The following NBPF9 variants were observed in gnomAD, a reference collection of about 807,000 sequenced individuals.
NBPF9 encodes NBPF member 9, also known as NBPF family member NBPF9.
NBPF9 carries 91 observed loss-of-function variants against 97.8 expected under a neutral mutation model. The ratio of observed to expected loss-of-function variants is 0.93; its 90% CI spans 0.79 to 1.11. NBPF9 has a LOEUF of 1.11. NBPF9 is among the 50% of genes least tolerant of loss of function. The pLI, the probability that NBPF9 is intolerant of heterozygous loss-of-function variation, is 0.00. For missense variants in NBPF9, 992 were observed against 939.5 expected, an observed-to-expected ratio of 1.06 and a Z score of -0.73; for synonymous variants, 334 against 359.5, an observed-to-expected ratio of 0.93 and a Z score of 0.80.
intron 5 of NBPF9, among the ~76,000 whole-genome samples, chr1:149,085,444 G>A (rs1197032295): frequency 1.3e-5 from 2 of 152,086 alleles, no homozygotes; most frequent in East Asian, 3.9e-4. Context: ...GCTTATTCTA[G>A]GTTCTTTGAT....
chr1:149,069,280 A>G (rs1443604366), intron 17 of NBPF9, among the ~76,000 whole-genome samples: 1 of 151,814 alleles, frequency 6.6e-6, no homozygotes, highest in African/African-American at 2.4e-5. Flanking sequence ...TCAGAGCAGA[A>G]CTAAAGGAGA....
At chr1:149,077,587 C>A (rs78027638) in intron 10 of NBPF9, among the ~76,000 whole-genome samples, 168 bp from the exon 11 acceptor site, 1 of 152,192 alleles carries the variant, frequency 6.6e-6, no homozygotes, top group Non-Finnish European at 1.5e-5. Flanking sequence ...CTGCAACAGA[C>A]CATGGCTGCC....
exon 30 of NBPF9, chr1:149,055,714 G>A (rs782738482): frequency 1.9e-6 from 3 of 1,611,918 alleles, no homozygotes; most frequent in Admixed American, 3.3e-5. Context: ...CACCGTCAAA[G>A]TAAAAAACCT....
rs1404664691 is a variant in NBPF9 at position 149,059,035 on chromosome 1, C to T, written c.2648G>A (p.Cys883Tyr). Reference sequence around the variant, plus strand: ...AAGATAACCTGAAGGAGTCGAATAACATCTATCCAGTGAGTCCTGCAAGAC... The same window carrying T: ...AAGATAACCTGAAGGAGTCGAATAATATCTATCCAGTGAGTCCTGCAAGAC... Residue 883 changes from cysteine to tyrosine, a missense_variant, in exon 26 of 30, where the codon TGT becomes TAT. Transcript: ENST00000584027. The T allele has an allele frequency of 2.8e-5, 12 of 432,110 alleles. 4 individuals carry two copies. The highest frequency in any genetic ancestry group is 1.9e-4 in the Admixed American group (5 of 26,468). The allele number at this position is 432,110 out of a possible 1,614,324, so 26.8% of individuals were successfully genotyped here. A position where few individuals can be genotyped will look rare whatever the true frequency, so the allele number is the denominator to read the frequency against.
intron 16 of NBPF9, among the ~76,000 whole-genome samples, chr1:149,070,039 A>G (rs1396734495): frequency 1.5e-5 from 2 of 133,596 alleles, no homozygotes; most frequent in African/African-American, 5.9e-5. Flanking sequence ...ACTGATAGAT[A>G]AATTTGAACA....
intron 5 of NBPF9, among the ~76,000 whole-genome samples, chr1:149,086,586 A>T (rs2081020637): frequency 6.6e-6 from 1 of 152,242 alleles, no homozygotes; most frequent in South Asian, 2.1e-4. Flanking sequence ...GAGGTTCCAG[A>T]GGAAGGTCTT....
intron 4 of NBPF9, among the ~76,000 whole-genome samples, chr1:149,095,775 T>C (rs587596684): frequency 2.4e-4 from 36 of 152,104 alleles, no homozygotes; most frequent in African/African-American, 7.7e-4. Context: ...CCTATCAGAA[T>C]GGCTAAAACA....
At position 149,082,176 on chromosome 1, in the gene NBPF9, T is replaced by C; in HGVS notation, c.-35-2A>G. On this transcript the variant is annotated splice_acceptor_variant, in intron 6 of 29. Transcript: ENST00000584027. LOFTEE classifies it low-confidence loss of function (5UTR_SPLICE). The stretch of plus-strand genomic sequence containing the variant: ...TGGCAGAAGAGGTGGGGCCAGGGAC[T>C]GGGGAGAAGAAACCCAAACATATGA... 6.2e-7 allele frequency: 1 copy of C among 1,611,868 alleles called. No individual in the cohort carries two copies. Among genetic ancestry groups the C allele is most frequent in the African/African-American group, 1.3e-5 (1 of 74,946 alleles).
chr1:149,062,162 C>G (rs781979785), exon 22 of NBPF9: 3 of 910,792 alleles, frequency 3.3e-6, no homozygotes, highest in Non-Finnish European at 5.5e-6. Flanking sequence ...TAGGGCTGGC[C>G]TAAGTCAGGC....
intron 6 of NBPF9, 46 bp downstream of exon 6, chr1:149,082,226 A>T: frequency 1.4e-6 from 2 of 1,433,618 alleles, no homozygotes; most frequent in South Asian, 1.2e-5. Context: ...GTGAAATCAA[A>T]TAGGTTTAAT....
rs782034323 is a variant in NBPF9, at chr1:149,071,780, C to T, written c.1307-104G>A. On this transcript the variant is annotated intron_variant, in intron 14 of 29. Coordinates refer to ENST00000584027, the Ensembl canonical transcript of NBPF9. ...ACATGAACATCTAGGCATGGGTCAC[C>T]GTTCAACTGAAAACTCTCATGTTTT... is the stretch of plus-strand genomic sequence containing the variant. The T allele has an allele frequency of 3.0e-5, 21 of 692,816 alleles. No homozygotes were observed. In the Middle Eastern group the frequency reaches 1.2e-3, roughly 41 times the overall value. 42.9% of individuals were successfully genotyped at this position (692,816 alleles called of 1,614,324 possible). A position where few individuals can be genotyped will look rare whatever the true frequency, so the allele number is the denominator to read the frequency against.
At chr1:149,101,139 C>T (rs1575885073) in intron 3 of NBPF9, 123 bp downstream of exon 3, 1 of 151,484 alleles carries the variant, frequency 6.6e-6, no homozygotes, top group Admixed American at 6.6e-5. Context: ...GTAATCCCAA[C>T]ACTTTGGGAG....
At chr1:149,101,462 G>A (rs1343713215) in intron 2 of NBPF9, 83 bp from the exon 3 acceptor site, 1 of 151,722 alleles carries the variant, frequency 6.6e-6, no homozygotes, top group Non-Finnish European at 1.5e-5. Flanking sequence ...GCAAGCTACA[G>A]ATTGAAAAAA....
rs1270425668 is a variant in NBPF9 at position 149,097,368 on chromosome 1, C to T, written c.-337+1070G>A. Among the ~76,000 whole-genome samples the T allele has an allele frequency of 2.6e-3, 397 of 152,282 alleles. 3 individuals carry two copies. Among genetic ancestry groups the T allele is most frequent in the Middle Eastern group, 0.02 (6 of 294 alleles). ...ACAACCCCTTCTTCCTCCTCTGAAA[C>T]ACATTATTCCTCTGGCCCACTGTTG... On this transcript the variant is annotated intron_variant, in intron 4 of 29. Transcript: ENST00000584027.
At chr1:149,072,838 C>T in exon 14 of NBPF9, 2 of 1,602,428 alleles carry the variant, frequency 1.2e-6, no homozygotes, top group Non-Finnish European at 1.7e-6. Context: ...TGGAGATGCT[C>T]ATTCAATGAG....
chr1:149,100,755 G>T (rs1206740392), intron 3 of NBPF9, among the ~76,000 whole-genome samples: 3 of 152,110 alleles, frequency 2.0e-5, no homozygotes, highest in African/African-American at 7.2e-5. Flanking sequence ...GAAACATGTT[G>T]AATCCCCATC....
chr1:149,081,930 C>T, intron 7 of NBPF9, 35 bp downstream of exon 7: 1 of 1,412,706 alleles, frequency 7.1e-7, no homozygotes, highest in Non-Finnish European at 9.9e-7. Context: ...GGACATCATT[C>T]ATCACTTTCA....
intron 8 of NBPF9, among the ~76,000 whole-genome samples, 170 bp from the exon 9 acceptor site, chr1:149,079,391 C>T (rs1456683222): frequency 1.3e-5 from 2 of 151,724 alleles, no homozygotes; most frequent in Non-Finnish European, 2.9e-5. Context: ...AAATGGTTTA[C>T]AGGCTTCCTC....
chr1:149,074,869 T>A (rs1177406652), intron 12 of NBPF9, among the ~76,000 whole-genome samples: 4 of 151,374 alleles, frequency 2.6e-5, no homozygotes, highest in African/African-American at 9.7e-5. Flanking sequence ...TGGAGTGCAA[T>A]GGCAAAACCT....
Sources: allele counts gnomAD v4.1 joint callset (sites outside exome capture counted in the v4.1 genomes callset), GRCh38; gene constraint gnomAD v4.1.1; transcripts MANE v1.5; gene names NCBI Gene and HGNC (gene_info 2026-07-23, HGNC 2026-07-21).